The following NEGR1 variants were observed in gnomAD, a reference collection of about 807,000 sequenced individuals.
The protein encoded by NEGR1 is neuronal growth regulator 1, also known as IgLON family member 4.
Under a neutral mutation model 40.9 loss-of-function variants are expected in NEGR1, and 10 were observed. The ratio of observed to expected loss-of-function variants is 0.24; its 90% CI spans 0.15 to 0.42. The LOEUF (loss-of-function observed/expected upper bound fraction) is 0.42, where lower values mean the gene tolerates loss of function less well. Among genes scored for constraint, NEGR1 ranks in the 10% least tolerant of loss-of-function variants. The probability of loss-of-function intolerance (pLI) is 1.00; values close to 1 mark genes in which losing one functional copy is unlikely to be tolerated. For synonymous variants in NEGR1, 185 were observed against 166.8 expected, an observed-to-expected ratio of 1.11 and a Z score of -0.84; for missense variants, 352 against 438.9, an observed-to-expected ratio of 0.80 and a Z score of 1.77.
chr1:71,569,705 T>C (rs1412957667), intron 6 of NEGR1, among the ~76,000 whole-genome samples: 1 of 152,192 alleles, frequency 6.6e-6, no homozygotes, highest in Non-Finnish European at 1.5e-5. Context: ...TAGATTTTAT[T>C]TGGTTTACTT....
At chr1:71,835,724 T>C (rs946553060) in intron 2 of NEGR1, among the ~76,000 whole-genome samples, 25 of 152,108 alleles carry the variant, frequency 1.6e-4, no homozygotes, top group South Asian at 2.1e-4. Context: ...AGTAGCATCA[T>C]GGTTAAAGAA....
At chr1:71,640,650 C>G (rs1261723899) in intron 4 of NEGR1, among the ~76,000 whole-genome samples, 1 of 151,964 alleles carries the variant, frequency 6.6e-6, no homozygotes. Flanking sequence ...AGGAAATTAT[C>G]TCAACAGCTG....
At chr1:72,094,275 C>T (rs1648612694) in intron 1 of NEGR1, among the ~76,000 whole-genome samples, 1 of 151,978 alleles carries the variant, frequency 6.6e-6, no homozygotes, top group Non-Finnish European at 1.5e-5. Flanking sequence ...AAAGATAACA[C>T]ATTTATGTTT....
At chr1:72,266,723 A>AC (rs1491125016) in intron 1 of NEGR1, among the ~76,000 whole-genome samples, 5 of 92,594 alleles carry the variant, frequency 5.4e-5, no homozygotes, top group Admixed American at 1.1e-4. Flanking sequence ...ATAGACAGAT[A>AC]AACACACACA....
intron 1 of NEGR1, among the ~76,000 whole-genome samples, chr1:72,004,938 A>G (rs1341542215): frequency 1.3e-5 from 2 of 152,116 alleles, no homozygotes; most frequent in South Asian, 2.1e-4. Flanking sequence ...AGCACCTCCA[A>G]ATAGATTTTA....
chr1:71,962,065 G>C (rs1646169882), intron 1 of NEGR1, among the ~76,000 whole-genome samples: 1 of 151,968 alleles, frequency 6.6e-6, no homozygotes, highest in African/African-American at 2.4e-5. Context: ...CTGTTGGCAA[G>C]TATAAAGTAA....
At chr1:71,923,427 A>C (rs2101885071) in intron 2 of NEGR1, among the ~76,000 whole-genome samples, 1 of 152,168 alleles carries the variant, frequency 6.6e-6, no homozygotes, top group African/African-American at 2.4e-5. Context: ...TGTCAATAGT[A>C]CTGAGGTTAA....
intron 2 of NEGR1, among the ~76,000 whole-genome samples, chr1:71,834,188 T>C (rs1490224508): frequency 6.6e-6 from 1 of 152,096 alleles, no homozygotes; most frequent in Non-Finnish European, 1.5e-5. Flanking sequence ...AGGATTTGAA[T>C]TGGGAGTAAG....
chr1:72,137,817 C>T (rs34124399), intron 1 of NEGR1, among the ~76,000 whole-genome samples: 16,622 of 152,026 alleles, frequency 0.11, 1,279 homozygotes, highest in Non-Finnish European at 0.17. Context: ...CAGAGAAAAA[C>T]AGCACATTGC....
At chr1:71,511,804 A>T (rs571849487) in intron 6 of NEGR1, among the ~76,000 whole-genome samples, 38 of 152,238 alleles carry the variant, frequency 2.5e-4, no homozygotes, top group Non-Finnish European at 4.6e-4. Context: ...AATATTAAAT[A>T]TAACTGATCT....
At chr1:71,653,212 G>A (rs1651772444) in intron 4 of NEGR1, among the ~76,000 whole-genome samples, 1 of 152,198 alleles carries the variant, frequency 6.6e-6, no homozygotes, top group Non-Finnish European at 1.5e-5. Flanking sequence ...AACAGTCTAT[G>A]AATCTATACC....
intron 3 of NEGR1, chr1:71,703,445 G>T (rs1487611660): frequency 1.4e-5 from 2 of 140,952 alleles, no homozygotes; most frequent in African/African-American, 5.3e-5. Flanking sequence ...AGAAATCTCT[G>T]AACTATAACT....
At chr1:72,242,361 GTA>G (rs1286314611) in intron 1 of NEGR1, among the ~76,000 whole-genome samples, 20 of 151,426 alleles carry the variant, frequency 1.3e-4, no homozygotes, top group African/African-American at 4.8e-4. Context: ...GTGTGTCTGT[GTA>G]TATTTCATTT....
At chr1:72,000,409 G>C (rs1054781527) in intron 1 of NEGR1, among the ~76,000 whole-genome samples, 6 of 151,776 alleles carry the variant, frequency 4.0e-5, no homozygotes, top group Admixed American at 3.3e-4. Context: ...TGAGGAAATA[G>C]AGTTGAGGCA....
chr1:71,935,019 TA>T, intron 2 of NEGR1, 59 bp downstream of exon 2: 1 of 974,330 alleles, frequency 1.0e-6, no homozygotes. Context: ...TTTTGATACC[TA>T]AATATTAAAT....
intron 2 of NEGR1, among the ~76,000 whole-genome samples, chr1:71,799,061 T>C (rs530470610): frequency 6.6e-6 from 1 of 151,178 alleles, no homozygotes; most frequent in South Asian, 2.1e-4. Context: ...TTTTTTTTTA[T>C]TATACTAAGT....
At chr1:72,104,224 G>A (rs1260371608) in intron 1 of NEGR1, among the ~76,000 whole-genome samples, 1 of 152,066 alleles carries the variant, frequency 6.6e-6, no homozygotes, top group Non-Finnish European at 1.5e-5. Context: ...ACCTTACATG[G>A]CAAAAGTAAC....
intron 1 of NEGR1, among the ~76,000 whole-genome samples, chr1:72,150,215 G>C (rs1651070243): frequency 6.6e-6 from 1 of 152,058 alleles, no homozygotes; most frequent in African/African-American, 2.4e-5. Context: ...CCTGCCACCT[G>C]TCATGAAGCA....
chr1:72,094,783 G>T (rs2100229739), intron 1 of NEGR1, among the ~76,000 whole-genome samples: 1 of 152,224 alleles, frequency 6.6e-6, no homozygotes, highest in South Asian at 2.1e-4. Context: ...AGATCTCACT[G>T]GTATTTTGTT....
Sources: gnomAD v4.1 joint callset for allele counts (sites outside exome capture counted in the v4.1 genomes callset) on GRCh38, gnomAD v4.1.1 for gene constraint, MANE v1.5 for transcripts, NCBI Gene and HGNC (gene_info 2026-07-23, HGNC 2026-07-21) for gene names.